Variants in MCPH1 observed in about 807,000 individuals in gnomAD.
MCPH1 encodes microcephalin.
Under a neutral mutation model 84.5 loss-of-function variants are expected in MCPH1, and 104 were observed. The ratio of observed to expected loss-of-function variants is 1.23; its 90% CI spans 1.05 to 1.45. The LOEUF (loss-of-function observed/expected upper bound fraction) is 1.45. MCPH1 is among the 40% of genes most tolerant of loss of function. The pLI, the probability that MCPH1 is intolerant of heterozygous loss-of-function variation, is 0.00. For missense variants in MCPH1, 1,498 were observed against 1,005.7 expected (o/e 1.49, Z -6.62); for synonymous variants, 514 against 366.8 (o/e 1.40, Z -4.58).
At chr8:6,476,429 C>CA (rs57044817) in intron 9 of MCPH1, among the ~76,000 whole-genome samples, 3,905 of 71,048 alleles carry the variant, frequency 0.055, 71 homozygotes, top group East Asian at 0.066. Flanking sequence ...AACTCCATCT[C>CA]AAAAAAAAAA....
chr8:6,620,471 G>C (rs1831297470), intron 12 of MCPH1, among the ~76,000 whole-genome samples: 1 of 151,896 alleles, frequency 6.6e-6, no homozygotes, highest in Non-Finnish European at 1.5e-5. Flanking sequence ...CTGCCTCCGA[G>C]GTCAGCCTTG....
intron 13 of MCPH1, chr8:6,642,666 C>T (rs1394457134): frequency 2.6e-5 from 11 of 423,848 alleles, no homozygotes; most frequent in Non-Finnish European, 4.0e-5. Flanking sequence ...AAATTCTTGG[C>T]TCCTATGTCA....
At chr8:6,463,027 C>T (rs1806456743) in intron 9 of MCPH1, among the ~76,000 whole-genome samples, 1 of 152,182 alleles carries the variant, frequency 6.6e-6, no homozygotes, top group South Asian at 2.1e-4. Flanking sequence ...CACTGTGTTT[C>T]TTGTTGGACT....
chr8:6,446,359 C>A, intron 8 of MCPH1: 3 of 984,662 alleles, frequency 3.0e-6, no homozygotes, highest in Non-Finnish European at 3.6e-6. Context: ...TGCATGATTT[C>A]TCTGCTCTAC....
At chr8:6,419,216 C>T (rs1799803067) in intron 3 of MCPH1, among the ~76,000 whole-genome samples, 1 of 149,512 alleles carries the variant, frequency 6.7e-6, no homozygotes, top group Non-Finnish European at 1.5e-5. Flanking sequence ...ACTTATTTGA[C>T]AGTATTTGTT....
chr8:6,564,615 C>T (rs1001041762), intron 12 of MCPH1, among the ~76,000 whole-genome samples: 3 of 152,144 alleles, frequency 2.0e-5, no homozygotes, highest in Non-Finnish European at 4.4e-5. Flanking sequence ...GTTTATTATT[C>T]CCAGTGAGCG....
At chr8:6,641,798 G>A (rs1797954166) in intron 13 of MCPH1, among the ~76,000 whole-genome samples, 1 of 152,156 alleles carries the variant, frequency 6.6e-6, no homozygotes, top group Non-Finnish European at 1.5e-5. Flanking sequence ...GTTGTGGAGA[G>A]AATTAAGTAG....
At chr8:6,521,115 C>T in intron 12 of MCPH1, 1 of 1,381,910 alleles carries the variant, frequency 7.2e-7, no homozygotes, top group Admixed American at 2.1e-5. Flanking sequence ...ATTTTTTAGT[C>T]TTTTGAGTGT....
At chr8:6,491,048 T>C (rs1362110651) in intron 11 of MCPH1, among the ~76,000 whole-genome samples, 1 of 125,842 alleles carries the variant, frequency 7.9e-6, no homozygotes, top group Non-Finnish European at 1.7e-5. Context: ...ATTTAAAAAA[T>C]AAAATTTATC....
chr8:6,564,020 C>T (rs187040851), intron 12 of MCPH1, among the ~76,000 whole-genome samples: 99 of 133,442 alleles, frequency 7.4e-4, no homozygotes, highest in African/African-American at 2.6e-3. Context: ...CTCGCTCTGT[C>T]GACCAGGCTA....
chr8:6,598,021 A>G (rs556732817), intron 12 of MCPH1, among the ~76,000 whole-genome samples: 1 of 152,312 alleles, frequency 6.6e-6, no homozygotes, highest in East Asian at 1.9e-4. Flanking sequence ...CCAGATGACG[A>G]TGTCCTTTTC....
intron 12 of MCPH1, among the ~76,000 whole-genome samples, chr8:6,555,471 T>C (rs1824438416): frequency 6.6e-6 from 1 of 151,728 alleles, no homozygotes; most frequent in Non-Finnish European, 1.5e-5. Context: ...TGCCCTTTTT[T>C]TTTTTTTGGA....
In MCPH1 at chr8:6,538,325, G is replaced by T. The variant is rs75951406; in HGVS notation, c.2214+38396G>T. 6.4e-4 allele frequency among the ~76,000 whole-genome samples: 98 copies of T among 152,262 alleles called. No individual in the cohort carries two copies. In the East Asian group the frequency reaches 0.018, roughly 28 times the overall value. On this transcript the variant is annotated intron_variant, in intron 12 of 13. Coordinates refer to ENST00000344683, the MANE Select transcript of MCPH1 (RefSeq NM_024596.5). ...CCCCATGATCCCATCTTCCCGCCCA[G>T]GGTCCACTGTCCTCTCTGTCTCTTG...
chr8:6,515,580 A>G (rs1277346766), intron 12 of MCPH1, among the ~76,000 whole-genome samples: 1 of 152,238 alleles, frequency 6.6e-6, no homozygotes, highest in African/African-American at 2.4e-5. Flanking sequence ...TGCATGCTCA[A>G]TTTCAACTCA....
intron 12 of MCPH1, chr8:6,520,012 G>C (rs963863238): frequency 4.3e-6 from 7 of 1,611,968 alleles, no homozygotes; most frequent in Middle Eastern, 1.7e-4. Context: ...AAAATAGTAA[G>C]GCATTTAAAC....
At chr8:6,492,482 A>G (rs1402006058) in intron 11 of MCPH1, among the ~76,000 whole-genome samples, 6 of 151,552 alleles carry the variant, frequency 4.0e-5, no homozygotes, top group Admixed American at 1.3e-4. Context: ...GTTTAATTAG[A>G]TCCCATTTAT....
intron 11 of MCPH1, among the ~76,000 whole-genome samples, chr8:6,488,320 A>G (rs2920680): frequency 0.034 from 5,194 of 152,308 alleles, 282 homozygotes; most frequent in African/African-American, 0.11. Flanking sequence ...CAGATACCAA[A>G]AAGTGATTCA....
chr8:6,431,004 C>T (rs769613120), intron 3 of MCPH1, among the ~76,000 whole-genome samples: 6 of 152,240 alleles, frequency 3.9e-5, no homozygotes, highest in Admixed American at 6.5e-5. Flanking sequence ...CTTGGCAATG[C>T]GGAGCATTGG....
intron 12 of MCPH1, among the ~76,000 whole-genome samples, chr8:6,580,524 G>A (rs779705851): frequency 3.3e-5 from 5 of 152,118 alleles, no homozygotes; most frequent in East Asian, 1.9e-4. Flanking sequence ...GCATGGTGGC[G>A]TGTTCCTGTA....
Sources: gnomAD v4.1 joint callset for allele counts (sites outside exome capture counted in the v4.1 genomes callset) on GRCh38, gnomAD v4.1.1 for gene constraint, MANE v1.5 for transcripts, NCBI Gene and HGNC (gene_info 2026-07-23, HGNC 2026-07-21) for gene names.